Variants in INPP4B observed in about 807,000 individuals in gnomAD.
The protein encoded by INPP4B is inositol polyphosphate-4-phosphatase type II B, also known as inositol polyphosphate 4-phosphatase type II.
In INPP4B, 55 loss-of-function variants were observed where a neutral mutation model predicts 122.5. That is an observed-to-expected ratio of 0.45 (90% CI 0.36 to 0.56). The LOEUF (loss-of-function observed/expected upper bound fraction) is 0.56, where lower values mean the gene tolerates loss of function less well. INPP4B is among the 20% of genes least tolerant of loss of function. INPP4B has a pLI of 0.00. For synonymous variants in INPP4B, 403 were observed against 388.7 expected, an observed-to-expected ratio of 1.04 and a Z score of -0.43; for missense variants, 1,000 against 1,097.7, an observed-to-expected ratio of 0.91 and a Z score of 1.26.
intron 2 of INPP4B, among the ~76,000 whole-genome samples, chr4:142,547,524 C>T (rs2150062499): frequency 6.6e-6 from 1 of 152,220 alleles, no homozygotes; most frequent in South Asian, 2.1e-4. Flanking sequence ...AAGTGTCCTT[C>T]ACCTTGTGGA....
intron 14 of INPP4B, among the ~76,000 whole-genome samples, chr4:142,205,151 T>G (rs1842146906): frequency 6.6e-6 from 1 of 152,158 alleles, no homozygotes; most frequent in South Asian, 2.1e-4. Flanking sequence ...AACAGCATAG[T>G]ACATGGTTCT....
chr4:142,304,729 C>T (rs1021005525), intron 9 of INPP4B, among the ~76,000 whole-genome samples: 1 of 151,922 alleles, frequency 6.6e-6, no homozygotes, highest in Non-Finnish European at 1.5e-5. Flanking sequence ...TTCATTTATA[C>T]CATAAAAATA....
At chr4:142,519,512 A>T (rs986143421) in intron 2 of INPP4B, among the ~76,000 whole-genome samples, 1 of 152,178 alleles carries the variant, frequency 6.6e-6, no homozygotes, top group Non-Finnish European at 1.5e-5. Context: ...TTCAGCTGGC[A>T]GTGAGATAAA....
intron 11 of INPP4B, among the ~76,000 whole-genome samples, chr4:142,257,456 C>G (rs1736889680): frequency 6.6e-6 from 1 of 152,112 alleles, no homozygotes; most frequent in African/African-American, 2.4e-5. Flanking sequence ...CTAGAAAACC[C>G]CATGGTCTCA....
chr4:142,765,583 T>G (rs1439230727), intron 1 of INPP4B, among the ~76,000 whole-genome samples: 4 of 152,162 alleles, frequency 2.6e-5, no homozygotes, highest in African/African-American at 9.7e-5. Flanking sequence ...GAGAGAAAAT[T>G]TGCTTGAAGA....
intron 10 of INPP4B, among the ~76,000 whole-genome samples, chr4:142,262,725 T>C (rs1016120909): frequency 6.6e-6 from 1 of 152,184 alleles, no homozygotes; most frequent in African/African-American, 2.4e-5. Flanking sequence ...TGAATGATGA[T>C]TATTTGCCTA....
intron 2 of INPP4B, among the ~76,000 whole-genome samples, chr4:142,724,218 T>C (rs1765057180): frequency 6.6e-6 from 1 of 152,156 alleles, no homozygotes; most frequent in African/African-American, 2.4e-5. Context: ...AGCTTATACA[T>C]AGCTTACATA....
intron 10 of INPP4B, among the ~76,000 whole-genome samples, chr4:142,268,890 G>A (rs1744365185): frequency 6.6e-6 from 1 of 151,892 alleles, no homozygotes; most frequent in Non-Finnish European, 1.5e-5. Context: ...TTTTTCCCCC[G>A]ACGAACAGAT....
intron 12 of INPP4B, among the ~76,000 whole-genome samples, chr4:142,226,536 A>G (rs907911265): frequency 1.3e-5 from 2 of 152,346 alleles, no homozygotes; most frequent in East Asian, 1.9e-4. Flanking sequence ...TAATTCCAAT[A>G]TAATTCTTAA....
Position 142,612,692 on chromosome 4 carries a change from A to G in INPP4B, c.-191+113147T>C, listed in dbSNP as rs371469374. 2.6e-5 allele frequency among the ~76,000 whole-genome samples: 4 copies of G among 152,018 alleles called. 1 individual carries two copies. Among genetic ancestry groups the G allele is most frequent in the African/African-American group, 9.7e-5 (4 of 41,448 alleles). On this transcript the variant is annotated intron_variant, in intron 2 of 25. Transcript: ENST00000262992. ...CTCACATGGAGGAAAGGGAAAGAAA[A>G]CTCCCTGGGGCCTTTTTTATGAGGG...
chr4:142,777,378 G>A (rs1774088122), intron 1 of INPP4B, among the ~76,000 whole-genome samples: 1 of 152,156 alleles, frequency 6.6e-6, no homozygotes, highest in African/African-American at 2.4e-5. Flanking sequence ...GGAGAGAGGA[G>A]CCCATGTCAG....
chr4:142,649,667 A>G (rs1311159012), intron 2 of INPP4B, among the ~76,000 whole-genome samples: 1 of 152,230 alleles, frequency 6.6e-6, no homozygotes, highest in Non-Finnish European at 1.5e-5. Context: ...GTTAGAGAAG[A>G]AAAGAGTAAA....
chr4:142,762,727 T>C (rs1424096657), intron 1 of INPP4B, among the ~76,000 whole-genome samples: 2 of 152,124 alleles, frequency 1.3e-5, no homozygotes, highest in Admixed American at 6.6e-5. Flanking sequence ...TTGAAGAGGA[T>C]ATGTGAACAG....
rs763411090 is a variant in INPP4B, at chr4:142,431,293, T to G, written c.-34A>C. On this transcript the variant is annotated 5_prime_UTR_variant, in exon 4 of 26. Transcript: ENST00000262992. The stretch of plus-strand genomic sequence containing the variant: ...TTCACAGTTTTAAAATTTTCCAAAT[T>G]TTCTTGTCCAAATGTCAGTTCTAGT... 6.5e-7 allele frequency: 1 copy of G among 1,532,264 alleles called. No homozygotes were observed. The highest frequency in any genetic ancestry group is 1.1e-5 in the South Asian group (1 of 89,046). 94.9% of individuals were successfully genotyped at this position (1,532,264 alleles called of 1,614,324 possible).
Position 142,544,923 on chromosome 4 carries a change from T to A in INPP4B, c.-190-82197A>T, listed in dbSNP as rs550969652. On this transcript the variant is annotated intron_variant, in intron 2 of 25. Coordinates refer to ENST00000262992, the MANE Select transcript of INPP4B (RefSeq NM_001101669.3). ...TTTTCAACCAGTAATGGGGAAAAAA[T>A]TTCTCTTACGAAAATATATTTTATA... Among the ~76,000 whole-genome samples, 32 of 152,188 alleles carry A rather than the reference T, an allele frequency of 2.1e-4. No homozygotes were observed. The South Asian group carries it at 6.7e-3, about 32-fold the overall frequency.
chr4:142,596,841 T>G (rs1580459495), intron 2 of INPP4B, among the ~76,000 whole-genome samples: 1 of 152,194 alleles, frequency 6.6e-6, no homozygotes, highest in African/African-American at 2.4e-5. Flanking sequence ...AAGGCTTAGT[T>G]TGTAACAAGT....
intron 2 of INPP4B, among the ~76,000 whole-genome samples, chr4:142,633,220 C>T (rs746235919): frequency 6.6e-6 from 1 of 151,854 alleles, no homozygotes; most frequent in Non-Finnish European, 1.5e-5. Context: ...AATTTGTAAA[C>T]ACCTAATACT....
intron 9 of INPP4B, among the ~76,000 whole-genome samples, chr4:142,290,379 T>C (rs1325129070): frequency 1.3e-5 from 2 of 151,792 alleles, no homozygotes; most frequent in East Asian, 1.9e-4. Context: ...GCTTTCTTTT[T>C]GTAGTTTTAG....
chr4:142,449,616 C>A (rs932277865), intron 3 of INPP4B, among the ~76,000 whole-genome samples: 6 of 151,824 alleles, frequency 4.0e-5, no homozygotes, highest in Non-Finnish European at 5.9e-5. Context: ...ACAGGAGAAT[C>A]GCTTGAACCT....
Sources: gnomAD v4.1 joint callset for allele counts (sites outside exome capture counted in the v4.1 genomes callset) on GRCh38, gnomAD v4.1.1 for gene constraint, MANE v1.5 for transcripts, NCBI Gene and HGNC (gene_info 2026-07-23, HGNC 2026-07-21) for gene names.